The following MECOM variants were observed in gnomAD, a reference collection of about 807,000 sequenced individuals.
The protein encoded by MECOM is MDS1 and EVI1 complex locus.
In MECOM, 13 loss-of-function variants were observed where a neutral mutation model predicts 116.3. The observed-to-expected ratio is 0.11, with a 90% CI of 0.07 to 0.18. MECOM has a LOEUF of 0.18. MECOM is among the 10% of genes least tolerant of loss of function. The pLI is 1.00. For missense variants in MECOM, 1,299 were observed against 1,509.0 expected, an observed-to-expected ratio of 0.86 and a Z score of 2.31; for synonymous variants, 528 against 535.2, an observed-to-expected ratio of 0.99 and a Z score of 0.19.
chr3:169,639,074 A>G (rs1773156539), intron 1 of MECOM, among the ~76,000 whole-genome samples: 1 of 152,148 alleles, frequency 6.6e-6, no homozygotes, highest in South Asian at 2.1e-4. Flanking sequence ...CTGGAGGTGA[A>G]CCAATCATTA....
At chr3:169,228,231 T>C (rs1468702547) in intron 2 of MECOM, among the ~76,000 whole-genome samples, 1 of 152,216 alleles carries the variant, frequency 6.6e-6, no homozygotes, top group Non-Finnish European at 1.5e-5. Context: ...AAAAGAATTA[T>C]CTCTGGTGGT....
chr3:169,595,368 G>A (rs771677742), intron 1 of MECOM, among the ~76,000 whole-genome samples: 2 of 152,054 alleles, frequency 1.3e-5, no homozygotes, highest in Non-Finnish European at 2.9e-5. Flanking sequence ...CTTAATTAAA[G>A]CTGTTAGTTT....
At chr3:169,212,542 C>T (rs922830804) in intron 2 of MECOM, among the ~76,000 whole-genome samples, 5 of 148,020 alleles carry the variant, frequency 3.4e-5, no homozygotes, top group African/African-American at 1.2e-4. Context: ...GAAGACAAAA[C>T]AGGCAACACA....
intron 2 of MECOM, among the ~76,000 whole-genome samples, chr3:169,248,608 T>TA (rs1372950693): frequency 6.6e-6 from 1 of 152,176 alleles, no homozygotes; most frequent in African/African-American, 2.4e-5. Flanking sequence ...CCTCATATAT[T>TA]AAAGCCCTAA....
At chr3:169,360,342 A>AAAAAAAAAAATT (rs1728086099) in intron 2 of MECOM, among the ~76,000 whole-genome samples, 1 of 149,620 alleles carries the variant, frequency 6.7e-6, no homozygotes, top group African/African-American at 2.4e-5. Context: ...GAAAAAAAAA[A>AAAAAAAAAAATT]AGAAAAAAGC....
At chr3:169,152,844 T>A (rs546810093) in intron 2 of MECOM, among the ~76,000 whole-genome samples, 1 of 152,338 alleles carries the variant, frequency 6.6e-6, no homozygotes, top group East Asian at 1.9e-4. Flanking sequence ...TTTAACAGTT[T>A]AATATTTTAT....
intron 2 of MECOM, among the ~76,000 whole-genome samples, chr3:169,274,702 T>C (rs73172047): frequency 0.026 from 3,953 of 152,272 alleles, 56 homozygotes; most frequent in Non-Finnish European, 0.041. Context: ...ATATGACAAT[T>C]TAAAGTGAAA....
At chr3:169,196,522 C>G (rs1748427790) in intron 2 of MECOM, among the ~76,000 whole-genome samples, 1 of 152,102 alleles carries the variant, frequency 6.6e-6, no homozygotes, top group Non-Finnish European at 1.5e-5. Context: ...ACTTGTCTCA[C>G]TTTGAAATTA....
chr3:169,639,780 A>G (rs1773237264), intron 1 of MECOM, among the ~76,000 whole-genome samples: 1 of 152,224 alleles, frequency 6.6e-6, no homozygotes, highest in Admixed American at 6.5e-5. Flanking sequence ...TGGCACATCA[A>G]TAAAACATTA....
intron 1 of MECOM, among the ~76,000 whole-genome samples, chr3:169,452,079 C>A (rs777887375): frequency 1.3e-5 from 2 of 151,808 alleles, no homozygotes; most frequent in Middle Eastern, 3.2e-3. Flanking sequence ...TAATAGCCAT[C>A]GATTTTTAAA....
intron 1 of MECOM, among the ~76,000 whole-genome samples, chr3:169,598,685 T>C (rs1475816418): frequency 6.6e-6 from 1 of 152,204 alleles, no homozygotes; most frequent in Non-Finnish European, 1.5e-5. Context: ...GAGTGTAGTA[T>C]AGTGAGCAAT....
intron 1 of MECOM, among the ~76,000 whole-genome samples, chr3:169,421,699 A>AG (rs1739772609): frequency 6.6e-6 from 1 of 151,750 alleles, no homozygotes. Flanking sequence ...AAAAAAAAAA[A>AG]CAAAACGATT....
intron 2 of MECOM, among the ~76,000 whole-genome samples, chr3:169,326,353 T>G (rs941670251): frequency 4.0e-5 from 6 of 151,400 alleles, no homozygotes; most frequent in African/African-American, 1.2e-4. Flanking sequence ...TAATTTCACA[T>G]GTAAAAACAT....
chr3:169,621,230 G>A (rs558948241), intron 1 of MECOM, among the ~76,000 whole-genome samples: 1 of 152,144 alleles, frequency 6.6e-6, no homozygotes, highest in Non-Finnish European at 1.5e-5. Flanking sequence ...CCTCTTAATT[G>A]AGAATTTACA....
At chr3:169,408,158 G>A (rs935265503) in intron 1 of MECOM, among the ~76,000 whole-genome samples, 4 of 152,118 alleles carry the variant, frequency 2.6e-5, no homozygotes, top group Non-Finnish European at 4.4e-5. Flanking sequence ...GCTATTGAAC[G>A]AGGACCAGAA....
chr3:169,412,438 C>T (rs1419913017), intron 1 of MECOM, among the ~76,000 whole-genome samples: 2 of 151,952 alleles, frequency 1.3e-5, no homozygotes, highest in Non-Finnish European at 2.9e-5. Flanking sequence ...ATGTTCCCTG[C>T]GTTTCTCATC....
chr3:169,190,509 C>A (rs1747377398), intron 2 of MECOM, among the ~76,000 whole-genome samples: 2 of 152,068 alleles, frequency 1.3e-5, no homozygotes, highest in South Asian at 4.1e-4. Flanking sequence ...TGACCTCATA[C>A]TGCTTAGAGT....
In MECOM at chr3:169,566,693, C is replaced by A. The variant is rs371986977; in HGVS notation, c.37+96643G>T. Among the ~76,000 whole-genome samples the A allele has an allele frequency of 2.4e-3, 358 of 152,260 alleles. 1 individual carries two copies. The highest frequency in any genetic ancestry group is 8.1e-3 in the African/African-American group (337 of 41,530). On this transcript the variant is annotated intron_variant, in intron 1 of 16. Transcript: ENST00000651503. ...GCCAGCCCACAGATCACCCTGGCAA[C>A]CCAGCAGATGAGCCCAAGCCACACA...
rs1234572231 is a variant in MECOM, at chr3:169,131,517, T to C, written c.525A>G (p.Val175=). The change falls in exon 4 of 17, where the codon GTA becomes GTG. Residue 175 remains valine (V), a synonymous_variant. Coordinates refer to ENST00000651503, the MANE Select transcript of MECOM (RefSeq NM_004991.4). ...CQINDQIFYR[V]VADIAPGEEL... is the part of the protein sequence containing the mutation. ...CCTCTCCCGGCGCAATGTCTGCAAC[T>C]ACTCTATAGAATATCTTTAAAGACA... 6.2e-7 allele frequency: 1 copy of C among 1,612,818 alleles called. No homozygotes were observed. Among genetic ancestry groups the C allele is most frequent in the Non-Finnish European group, 8.5e-7 (1 of 1,179,376 alleles).
Sources: allele counts gnomAD v4.1 joint callset (sites outside exome capture counted in the v4.1 genomes callset), GRCh38; gene constraint gnomAD v4.1.1; transcripts MANE v1.5; gene names NCBI Gene and HGNC (gene_info 2026-07-23, HGNC 2026-07-21).